Variants in HSF2BP observed in about 807,000 individuals in gnomAD.
HSF2BP encodes the protein heat shock transcription factor 2 binding protein, also known as heat shock factor 2-binding protein.
HSF2BP carries 35 observed loss-of-function variants against 35.0 expected under a neutral mutation model. That is an observed-to-expected ratio of 1.00 (90% CI 0.76 to 1.32). The LOEUF is 1.32. Ranked by LOEUF, HSF2BP falls within the 40% of genes most tolerant of loss-of-function variation. The probability of loss-of-function intolerance (pLI) is 0.00; values close to 1 mark genes in which losing one functional copy is unlikely to be tolerated. For missense variants in HSF2BP, 326 were observed against 321.7 expected (o/e 1.01, Z -0.10); for synonymous variants, 114 against 117.4 (o/e 0.97, Z 0.18).
At chr21:43,650,318 T>C (rs1601728279) in intron 3 of HSF2BP, among the ~76,000 whole-genome samples, 1 of 152,154 alleles carries the variant, frequency 6.6e-6, no homozygotes, top group East Asian at 1.9e-4. Context: ...ACCATTCTCC[T>C]GCCTCAGCCT....
At chr21:43,581,864 GGGCCCTGCTGTGGGGGAT>G (rs2081740381) in intron 8 of HSF2BP, among the ~76,000 whole-genome samples, 1 of 138,544 alleles carries the variant, frequency 7.2e-6, no homozygotes, top group Non-Finnish European at 1.6e-5. Flanking sequence ...GCCTGCTGAG[GGGCCCTGCTGTGGGGGAT>G]GAGGGCCTGC....
intron 6 of HSF2BP, among the ~76,000 whole-genome samples, chr21:43,618,985 ATTCT>A (rs2082302479): frequency 6.6e-6 from 1 of 151,914 alleles, no homozygotes; most frequent in Admixed American, 6.6e-5. Context: ...AAGCTATAAA[ATTCT>A]TTATTTATTT....
At chr21:43,595,726 ATT>A (rs770855952) in intron 7 of HSF2BP, among the ~76,000 whole-genome samples, 666 of 58,188 alleles carry the variant, frequency 0.011, no homozygotes, top group Non-Finnish European at 0.017. Context: ...TAAGAGGCTA[ATT>A]TTTTTTTTTT....
the HSF2BP span, among the ~76,000 whole-genome samples, chr21:43,458,203 C>T: frequency 1.6e-5 from 1 of 63,802 alleles, no homozygotes; most frequent in Non-Finnish European, 3.1e-5. Context: ...CTCTCAACCA[C>T]CACAAAGCTG....
chr21:43,629,878 G>A (rs1030082512), intron 6 of HSF2BP, among the ~76,000 whole-genome samples: 1 of 152,196 alleles, frequency 6.6e-6, no homozygotes, highest in African/African-American at 2.4e-5. Flanking sequence ...ATGTTCTACT[G>A]TGGAAAAAAT....
intron 8 of HSF2BP, among the ~76,000 whole-genome samples, chr21:43,574,821 G>A (rs1057008916): frequency 6.6e-6 from 1 of 151,434 alleles, no homozygotes; most frequent in Non-Finnish European, 1.5e-5. Context: ...GCTTCCTCTC[G>A]GCTCAGCCTC....
intron 4 of HSF2BP, among the ~76,000 whole-genome samples, chr21:43,636,554 G>A (rs1461991151): frequency 6.6e-6 from 1 of 152,130 alleles, no homozygotes; most frequent in Admixed American, 6.5e-5. Context: ...ACATCAATAA[G>A]ACAACCCAAT....
chr21:43,637,943 A>C (rs761607488), intron 4 of HSF2BP, among the ~76,000 whole-genome samples: 2 of 152,240 alleles, frequency 1.3e-5, no homozygotes, highest in Non-Finnish European at 2.9e-5. Flanking sequence ...CTTTCCCCTG[A>C]GATCAGGAAC....
At chr21:43,612,121 C>T (rs547578180) in intron 7 of HSF2BP, among the ~76,000 whole-genome samples, 44 of 152,246 alleles carry the variant, frequency 2.9e-4, no homozygotes, top group African/African-American at 8.7e-4. Flanking sequence ...AAAAGGCTGG[C>T]TGGAATCTGA....
chr21:43,637,681 C>T (rs1238636250), intron 4 of HSF2BP, among the ~76,000 whole-genome samples: 1 of 151,548 alleles, frequency 6.6e-6, no homozygotes, highest in Non-Finnish European at 1.5e-5. Context: ...TGTATGGTGG[C>T]ATATGCCTAT....
intron 6 of HSF2BP, among the ~76,000 whole-genome samples, chr21:43,620,313 T>C (rs145455147): frequency 1.4e-4 from 21 of 152,336 alleles, no homozygotes; most frequent in South Asian, 4.1e-4. Context: ...TTCAAAATAG[T>C]AGTTTTAAGG....
At chr21:43,594,231 A>G (rs997645281) in intron 7 of HSF2BP, among the ~76,000 whole-genome samples, 1 of 152,236 alleles carries the variant, frequency 6.6e-6, no homozygotes, top group Admixed American at 6.5e-5. Context: ...GAACTGAAAG[A>G]ATTTGAAGGA....
intron 4 of HSF2BP, among the ~76,000 whole-genome samples, chr21:43,640,292 G>A (rs1365457401): frequency 6.6e-6 from 1 of 152,236 alleles, no homozygotes. Flanking sequence ...GACACAGTGA[G>A]ACTCTGTCTC....
At chr21:43,603,972 G>A (rs1466393522) in intron 7 of HSF2BP, among the ~76,000 whole-genome samples, 1 of 152,104 alleles carries the variant, frequency 6.6e-6, no homozygotes, top group Non-Finnish European at 1.5e-5. Context: ...GGGATTTCTG[G>A]GGGAGGCAAA....
chr21:43,651,764 C>T (rs1481607696), intron 3 of HSF2BP, among the ~76,000 whole-genome samples: 1 of 152,176 alleles, frequency 6.6e-6, no homozygotes, highest in Non-Finnish European at 1.5e-5. Flanking sequence ...TTTCACATGC[C>T]ACCGCCCTGG....
intron 3 of HSF2BP, among the ~76,000 whole-genome samples, chr21:43,650,730 T>C (rs1341166389): frequency 4.3e-5 from 6 of 138,134 alleles, no homozygotes; most frequent in African/African-American, 8.2e-5. Context: ...TTTTTTGAGA[T>C]GGAGTCTCAC....
intron 7 of HSF2BP, among the ~76,000 whole-genome samples, chr21:43,602,220 C>T (rs1467400222): frequency 6.6e-6 from 1 of 152,336 alleles, no homozygotes; most frequent in Non-Finnish European, 1.5e-5. Flanking sequence ...AGCTTCCTCT[C>T]CACACTTAGT....
At chr21:43,604,221 G>C (rs73367817) in intron 7 of HSF2BP, among the ~76,000 whole-genome samples, 149,028 of 149,666 alleles carry the variant, frequency 1, 74,195 homozygotes, top group Admixed American at 1. Flanking sequence ...ACAGCACACA[G>C]CACACACCAC....
At chr21:43,648,813 C>T (rs2082743355) in intron 3 of HSF2BP, among the ~76,000 whole-genome samples, 1 of 152,232 alleles carries the variant, frequency 6.6e-6, no homozygotes, top group Admixed American at 6.5e-5. Flanking sequence ...CTTTAGAAAT[C>T]ACATAGCGCA....
Sources: gnomAD v4.1 joint callset for allele counts (sites outside exome capture counted in the v4.1 genomes callset) on GRCh38, gnomAD v4.1.1 for gene constraint, MANE v1.5 for transcripts, NCBI Gene and HGNC (gene_info 2026-07-23, HGNC 2026-07-21) for gene names.